Variants in RAB3GAP2 observed in about 807,000 individuals in gnomAD.
RAB3GAP2 encodes rab3 GTPase-activating protein non-catalytic subunit.
Under a neutral mutation model 185.3 loss-of-function variants are expected in RAB3GAP2, and 87 were observed. That is an observed-to-expected ratio of 0.47 (90% CI 0.39 to 0.56). The LOEUF (loss-of-function observed/expected upper bound fraction) is 0.56. RAB3GAP2 is among the 20% of genes least tolerant of loss of function. The pLI is 0.00. For synonymous variants in RAB3GAP2, 554 were observed against 576.1 expected (o/e 0.96, Z 0.55); for missense variants, 1,492 against 1,638.2 (o/e 0.91, Z 1.54).
At chr1:220,164,473 G>GTTTTTTTTTTTTTT (rs35024056) in intron 27 of RAB3GAP2, among the ~76,000 whole-genome samples, 7 of 105,648 alleles carry the variant, frequency 6.6e-5, no homozygotes, top group African/African-American at 1.5e-4. Flanking sequence ...TTTTTGTTTT[G>GTTTTTTTTTTTTTT]TTTTTTTTTT....
chr1:220,177,426 C>T (rs1343430559), intron 21 of RAB3GAP2, among the ~76,000 whole-genome samples: 7 of 152,082 alleles, frequency 4.6e-5, no homozygotes, highest in African/African-American at 7.2e-5. Flanking sequence ...CCACAAGCAT[C>T]GAGAACATTC....
intron 24 of RAB3GAP2, 40 bp from the exon 25 acceptor site, chr1:220,167,715 C>T (rs1658096754): frequency 1.3e-6 from 2 of 1,595,172 alleles, no homozygotes; most frequent in Non-Finnish European, 1.7e-6. Flanking sequence ...AAATTTACAA[C>T]ACACAGGGCA....
At chr1:220,225,837 G>C (rs1210598161) in intron 2 of RAB3GAP2, among the ~76,000 whole-genome samples, 1 of 152,108 alleles carries the variant, frequency 6.6e-6, no homozygotes, top group Non-Finnish European at 1.5e-5. Flanking sequence ...CTGTGTGGCA[G>C]GTGGCATGAG....
In RAB3GAP2 at chr1:220,213,743, G is replaced by GGGA. The variant is rs1553278906; in HGVS notation, c.304+112_304+113insTCC. ...GGCGGAGGAGGAGTTGGGGGGGGGG[G>GGGA]GAGAGAGAGAGAAATAAATAAATAA... On this transcript the variant is annotated intron_variant, in intron 3 of 34. Transcript: ENST00000358951. 13 of 971,716 alleles carry GGGA rather than the reference G, an allele frequency of 1.3e-5. No homozygotes were observed. The African/African-American group carries it at 2.0e-4, about 15-fold the overall frequency. 60.2% of individuals were successfully genotyped at this position (971,716 alleles called of 1,614,324 possible). A position where few individuals can be genotyped will look rare whatever the true frequency, so the allele number is the denominator to read the frequency against.
At chr1:220,176,372 C>CGGTT (rs2102861880) in intron 21 of RAB3GAP2, among the ~76,000 whole-genome samples, 1 of 152,176 alleles carries the variant, frequency 6.6e-6, no homozygotes, top group African/African-American at 2.4e-5. Flanking sequence ...AGAAGGCAAC[C>CGGTT]TACTTATATT....
chr1:220,181,215 T>A (rs1264926066), intron 21 of RAB3GAP2, among the ~76,000 whole-genome samples: 1 of 152,170 alleles, frequency 6.6e-6, no homozygotes. Context: ...TTGATCTCCC[T>A]GATTCAAGGG....
At chr1:220,181,531 G>A (rs960318493) in intron 21 of RAB3GAP2, among the ~76,000 whole-genome samples, 2 of 152,014 alleles carry the variant, frequency 1.3e-5, no homozygotes, top group Non-Finnish European at 2.9e-5. Context: ...TTTTATATTT[G>A]TTATATTAGA....
intron 29 of RAB3GAP2, 89 bp from the exon 30 acceptor site, chr1:220,157,965 G>T: frequency 1.0e-6 from 1 of 989,648 alleles, no homozygotes; most frequent in Non-Finnish European, 1.6e-6. Flanking sequence ...ACAATACACT[G>T]GTTCAGCTGA....
intron 1 of RAB3GAP2, among the ~76,000 whole-genome samples, chr1:220,271,921 T>G (rs1660340985): frequency 4.9e-5 from 2 of 40,558 alleles, no homozygotes; most frequent in East Asian, 9.3e-4. Context: ...GCTAGGAATG[T>G]GTGGGGGTGG....
At chr1:220,260,987 C>T (rs1660125405) in intron 1 of RAB3GAP2, among the ~76,000 whole-genome samples, 1 of 152,012 alleles carries the variant, frequency 6.6e-6, no homozygotes, top group Non-Finnish European at 1.5e-5. Context: ...CCATGTTAGA[C>T]AGCACAGTAC....
chr1:220,149,809 G>A lies in RAB3GAP2; in HGVS notation c.*1442C>T, dbSNP rs547487573. ...AACAGTAATTACTAAATTTTAGCCA[G>A]TTAAATTCTTGTTTGGATGTGCTCT... On this transcript the variant is annotated 3_prime_UTR_variant, in exon 35 of 35. Coordinates refer to ENST00000358951, the MANE Select transcript of RAB3GAP2 (RefSeq NM_012414.4). 3.8e-4 allele frequency: 58 copies of A among 152,312 alleles called. No homozygotes were observed. The highest frequency in any genetic ancestry group is 1.3e-3 in the African/African-American group (56 of 41,556). The allele number at this position is 152,312 out of a possible 1,614,324, so 9.4% of individuals were successfully genotyped here.
chr1:220,169,763 G>T (rs1658139968), intron 24 of RAB3GAP2, among the ~76,000 whole-genome samples: 1 of 152,098 alleles, frequency 6.6e-6, no homozygotes, highest in Non-Finnish European at 1.5e-5. Context: ...CAGAACTTTG[G>T]TTTATGAGTT....
At chr1:220,266,727 C>G in intron 1 of RAB3GAP2, 1 of 1,583,572 alleles carries the variant, frequency 6.3e-7, no homozygotes, top group Non-Finnish European at 8.7e-7. Flanking sequence ...CTAGTTGATT[C>G]TTTGTTTTGG....
chr1:220,213,732 T>TGGG lies in RAB3GAP2; in HGVS notation c.304+121_304+123dup, dbSNP rs1206048732. 7 of 566,356 alleles carry TGGG rather than the reference T, an allele frequency of 1.2e-5. No individual in the cohort carries two copies. In the African/African-American group the frequency reaches 1.5e-4, roughly 12 times the overall value. The allele number at this position is 566,356 out of a possible 1,614,324, so 35.1% of individuals were successfully genotyped here. A position where few individuals can be genotyped will look rare whatever the true frequency, so the allele number is the denominator to read the frequency against. On this transcript the variant is annotated intron_variant, in intron 3 of 34. Transcript: ENST00000358951. ...GGGAGGGAGGGGGCGGAGGAGGAGT[T>TGGG]GGGGGGGGGGGGAGAGAGAGAGAAA...
chr1:220,211,046 C>T, intron 4 of RAB3GAP2, 44 bp from the exon 5 acceptor site: 8 of 1,560,460 alleles, frequency 5.1e-6, no homozygotes, highest in Non-Finnish European at 7.0e-6. Flanking sequence ...CTGAACTTAC[C>T]AATTACTTTT....
At chr1:220,179,945 C>A (rs1377910980) in intron 21 of RAB3GAP2, among the ~76,000 whole-genome samples, 2 of 152,010 alleles carry the variant, frequency 1.3e-5, no homozygotes, top group South Asian at 2.1e-4. Context: ...AGGCAGATCA[C>A]GAGGTCAAGA....
At chr1:220,231,917 T>C (rs763099513) in intron 2 of RAB3GAP2, among the ~76,000 whole-genome samples, 22 of 152,362 alleles carry the variant, frequency 1.4e-4, no homozygotes, top group Non-Finnish European at 2.9e-4. Context: ...CATATTTGAA[T>C]TGCCTGATCA....
intron 12 of RAB3GAP2, 124 bp from the exon 13 acceptor site, chr1:220,193,503 C>T: frequency 1.1e-6 from 1 of 929,638 alleles, no homozygotes; most frequent in Non-Finnish European, 1.6e-6. Context: ...ATGAATTTTA[C>T]CTGGATTAAT....
chr1:220,189,600 A>C, intron 17 of RAB3GAP2, 103 bp downstream of exon 17: 7 of 1,024,822 alleles, frequency 6.8e-6, no homozygotes, highest in Non-Finnish European at 9.6e-6. Context: ...TGAAAAGAAG[A>C]CTTCAGCCTC....
Sources: gnomAD v4.1 joint callset for allele counts (sites outside exome capture counted in the v4.1 genomes callset) on GRCh38, gnomAD v4.1.1 for gene constraint, MANE v1.5 for transcripts, NCBI Gene and HGNC (gene_info 2026-07-23, HGNC 2026-07-21) for gene names.